The following EBF2 variants were observed in gnomAD, a reference collection of about 807,000 sequenced individuals.
EBF2 encodes the protein EBF transcription factor 2, also known as transcription factor COE2.
In EBF2, 21 loss-of-function variants were observed where a neutral mutation model predicts 72.8. That is an observed-to-expected ratio of 0.29 (90% CI 0.20 to 0.42). The LOEUF is 0.42. Ranked by LOEUF, EBF2 falls within the 10% of genes least tolerant of loss-of-function variation. The pLI is 1.00. For synonymous variants in EBF2, 299 were observed against 274.2 expected (o/e 1.09, Z -0.89); for missense variants, 637 against 731.2 (o/e 0.87, Z 1.49).
chr8:26,041,257 C>G (rs899786013), intron 2 of EBF2: 1 of 547,736 alleles, frequency 1.8e-6, no homozygotes, highest in Admixed American at 3.1e-5. Context: ...AGAAGTGTGA[C>G]CCTTGAGCTT....
At chr8:26,036,202 T>G (rs899888546) in intron 5 of EBF2, among the ~76,000 whole-genome samples, 3 of 152,172 alleles carry the variant, frequency 2.0e-5, no homozygotes, top group Non-Finnish European at 4.4e-5. Flanking sequence ...TCAGCTGAAT[T>G]CAGCTGCCTT....
chr8:25,983,015 G>C (rs865930475), intron 6 of EBF2, among the ~76,000 whole-genome samples: 1 of 151,868 alleles, frequency 6.6e-6, no homozygotes, highest in South Asian at 2.1e-4. Context: ...GATTCAAAGC[G>C]GTCCAATGAC....
At chr8:25,941,237 G>T (rs1383750580) in intron 6 of EBF2, among the ~76,000 whole-genome samples, 2 of 137,166 alleles carry the variant, frequency 1.5e-5, no homozygotes, top group South Asian at 2.3e-4. Flanking sequence ...ACAGGGTCTT[G>T]CTCTGCTGCC....
chr8:26,041,783 G>A (rs969718166), intron 2 of EBF2, among the ~76,000 whole-genome samples: 1 of 152,190 alleles, frequency 6.6e-6, no homozygotes, highest in Non-Finnish European at 1.5e-5. Context: ...GAAGGGGAGC[G>A]GCGGCCTTGG....
intron 6 of EBF2, among the ~76,000 whole-genome samples, chr8:26,001,759 G>C (rs1422679755): frequency 6.6e-6 from 1 of 152,054 alleles, no homozygotes; most frequent in Non-Finnish European, 1.5e-5. Context: ...ATTTTGGCCA[G>C]GCTGGTCTCG....
chr8:25,940,900 C>T (rs1803659267), intron 6 of EBF2, among the ~76,000 whole-genome samples: 1 of 152,096 alleles, frequency 6.6e-6, no homozygotes, highest in African/African-American at 2.4e-5. Flanking sequence ...TCCCCCAAAA[C>T]ACGGTAGACT....
intron 6 of EBF2, among the ~76,000 whole-genome samples, chr8:25,924,994 G>C (rs1177180883): frequency 2.6e-5 from 4 of 152,036 alleles, no homozygotes; most frequent in African/African-American, 9.7e-5. Flanking sequence ...CCTGTTTTTG[G>C]GGGCTTTGGA....
chr8:25,993,540 G>GT (rs913772133), intron 6 of EBF2, among the ~76,000 whole-genome samples: 1 of 152,082 alleles, frequency 6.6e-6, no homozygotes, highest in African/African-American at 2.4e-5. Flanking sequence ...TCCTTTTTAT[G>GT]TCTTTGTAAG....
chr8:25,878,553 C>A (rs1278937670), intron 10 of EBF2, among the ~76,000 whole-genome samples: 1 of 152,184 alleles, frequency 6.6e-6, no homozygotes, highest in Non-Finnish European at 1.5e-5. Context: ...AGGCCACCAA[C>A]CTATTTCCTG....
At chr8:25,936,271 C>T (rs1429009976) in intron 6 of EBF2, among the ~76,000 whole-genome samples, 1 of 152,186 alleles carries the variant, frequency 6.6e-6, no homozygotes, top group Non-Finnish European at 1.5e-5. Flanking sequence ...ATTGAGCTTT[C>T]CTTAAACTGT....
intron 6 of EBF2, among the ~76,000 whole-genome samples, chr8:25,964,511 C>T (rs574412669): frequency 1.2e-4 from 18 of 152,132 alleles, no homozygotes; most frequent in African/African-American, 3.1e-4. Context: ...CAATCTGGGT[C>T]GAGGGAACAA....
intron 6 of EBF2, among the ~76,000 whole-genome samples, chr8:26,018,496 CAAAAAAAAAAAAAA>C: frequency 1.2e-5 from 1 of 81,620 alleles, no homozygotes; most frequent in South Asian, 4.7e-4. Flanking sequence ...ACTAAAAATA[CAAAAAAAAAAAAAA>C]AAAAAAAAAA....
intron 13 of EBF2, among the ~76,000 whole-genome samples, chr8:25,858,862 T>C (rs1802153278): frequency 6.6e-6 from 1 of 151,936 alleles, no homozygotes; most frequent in Admixed American, 6.6e-5. Context: ...GAATTCACCA[T>C]GTTGGCCAAG....
chr8:25,851,495 C>T (rs1158401105), intron 14 of EBF2, among the ~76,000 whole-genome samples: 1 of 152,122 alleles, frequency 6.6e-6, no homozygotes, highest in Non-Finnish European at 1.5e-5. Context: ...AAGCAATTTA[C>T]ATAATGAAGT....
intron 4 of EBF2, 142 bp downstream of exon 4, chr8:26,040,474 A>G: frequency 1.4e-6 from 1 of 717,804 alleles, no homozygotes; most frequent in East Asian, 2.8e-5. Flanking sequence ...CTAGCAGACA[A>G]GGTGCTGGGA....
chr8:26,021,428 T>C (rs1488078238), intron 6 of EBF2, among the ~76,000 whole-genome samples: 1 of 152,180 alleles, frequency 6.6e-6, no homozygotes, highest in Admixed American at 6.5e-5. Flanking sequence ...CATATGCTGA[T>C]TGGGTCTGAA....
chr8:26,021,360 G>C (rs1055798503), intron 6 of EBF2, among the ~76,000 whole-genome samples: 3 of 152,160 alleles, frequency 2.0e-5, no homozygotes, highest in African/African-American at 7.2e-5. Flanking sequence ...AGATCAGAAG[G>C]CAAAGGTTAT....
At chr8:25,987,734 G>A (rs913986253) in intron 6 of EBF2, among the ~76,000 whole-genome samples, 3 of 152,034 alleles carry the variant, frequency 2.0e-5, no homozygotes, top group African/African-American at 7.2e-5. Context: ...AACACAAACT[G>A]CATAAGAACC....
At chr8:26,003,549 T>G (rs1268072300) in intron 6 of EBF2, among the ~76,000 whole-genome samples, 2 of 152,114 alleles carry the variant, frequency 1.3e-5, no homozygotes, top group African/African-American at 4.8e-5. Context: ...ATGGTTCCTA[T>G]GGGAGCACTG....
Sources: allele counts gnomAD v4.1 joint callset (sites outside exome capture counted in the v4.1 genomes callset), GRCh38; gene constraint gnomAD v4.1.1; transcripts MANE v1.5; gene names NCBI Gene and HGNC (gene_info 2026-07-23, HGNC 2026-07-21).